The following CRAMP1 variants were observed in gnomAD, a reference collection of about 807,000 sequenced individuals.
CRAMP1 encodes protein cramped-like.
A neutral mutation model predicts 115.4 loss-of-function variants in CRAMP1; 50 were observed. That is an observed-to-expected ratio of 0.43 (90% CI 0.35 to 0.55). CRAMP1 has a LOEUF of 0.55. CRAMP1 is among the 20% of genes least tolerant of loss of function. CRAMP1 has a pLI of 0.01. For missense variants in CRAMP1, 1,679 were observed against 1,721.7 expected, an observed-to-expected ratio of 0.98 and a Z score of 0.44; for synonymous variants, 866 against 745.4, an observed-to-expected ratio of 1.16 and a Z score of -2.64.
At chr16:1,657,351 C>T (rs931783532) in intron 10 of CRAMP1, among the ~76,000 whole-genome samples, 4 of 152,230 alleles carry the variant, frequency 2.6e-5, no homozygotes, top group Admixed American at 2.6e-4. Context: ...GCAGGCAGTA[C>T]CTTGTGAGCC....
Position 1,655,313 on chromosome 16 carries a change from A to G in CRAMP1, c.1119+13A>G. ...TGAGGTGCGAGTTGTATCCTTTTCC[A>G]GCTAAAGCAAACCATCCAGGCTGCG... On this transcript the variant is annotated intron_variant, in intron 9 of 20. Coordinates refer to ENST00000397412, the MANE Select transcript of CRAMP1 (RefSeq NM_020825.4). 1.2e-6 allele frequency: 2 copies of G among 1,611,376 alleles called. No homozygotes were observed. Among genetic ancestry groups the G allele is most frequent in the Non-Finnish European group, 8.5e-7 (1 of 1,177,490 alleles).
intron 6 of CRAMP1, among the ~76,000 whole-genome samples, chr16:1,641,456 C>T (rs1285411821): frequency 6.6e-6 from 1 of 152,218 alleles, no homozygotes; most frequent in Non-Finnish European, 1.5e-5. Flanking sequence ...GGTCTCGACG[C>T]AGCACTCAGG....
At chr16:1,645,084 T>C (rs1214020490) in intron 6 of CRAMP1, among the ~76,000 whole-genome samples, 1 of 152,178 alleles carries the variant, frequency 6.6e-6, no homozygotes, top group Admixed American at 6.6e-5. Context: ...TAAAACATTT[T>C]AGTTTTTAGA....
chr16:1,652,618 G>A (rs1341832048), intron 7 of CRAMP1, 37 bp downstream of exon 7: 20 of 1,526,462 alleles, frequency 1.3e-5, no homozygotes, highest in Non-Finnish European at 1.6e-5. Flanking sequence ...CAGAGGCGGT[G>A]CCCATGGTGT....
rs2036413715 is a variant in CRAMP1 at position 1,615,781 on chromosome 16, G to A, written c.346+796G>A. ...TTTCCTTACGCAGGTGAATGACTCT[G>A]ATTCTTTTTGTTTCCGACCATGTTC... On this transcript the variant is annotated intron_variant, in intron 2 of 20. Transcript: ENST00000397412. 2.0e-5 allele frequency among the ~76,000 whole-genome samples: 3 copies of A among 152,142 alleles called. No homozygotes were observed. The South Asian group carries it at 6.2e-4, about 32-fold the overall frequency.
intron 5 of CRAMP1, among the ~76,000 whole-genome samples, chr16:1,639,218 G>C (rs1472460356): frequency 1.3e-5 from 2 of 152,016 alleles, no homozygotes; most frequent in East Asian, 1.9e-4. Context: ...AGAGGTGGAG[G>C]GTGTCCAGGT....
chr16:1,626,472 C>G (rs747445754), intron 3 of CRAMP1, among the ~76,000 whole-genome samples: 1 of 151,984 alleles, frequency 6.6e-6, no homozygotes, highest in Non-Finnish European at 1.5e-5. Context: ...GACTGAAGGC[C>G]CTCTTGTTTC....
chr16:1,615,065 C>A, intron 2 of CRAMP1, 80 bp downstream of exon 2: 1 of 879,240 alleles, frequency 1.1e-6, no homozygotes, highest in Admixed American at 4.3e-5. Flanking sequence ...TCGCCCCAGC[C>A]GGGCTCCACC....
chr16:1,662,672 G>GT lies in CRAMP1; in HGVS notation c.2595+2dup. 6.2e-7 allele frequency: 1 copy of GT among 1,614,050 alleles called. No homozygotes were observed. Among genetic ancestry groups the GT allele is most frequent in the Non-Finnish European group, 8.5e-7 (1 of 1,179,904 alleles). On this transcript the variant is annotated splice_donor_variant, in intron 12 of 20. Transcript: ENST00000397412. LOFTEE classifies it high-confidence loss of function. ...CCGCCAGCATCTGAACTCCATCAGT[G>GT]TGAGTGTGTGGGGCCGGGCCGCCCG...
chr16:1,670,419 T>C (rs566754413), intron 19 of CRAMP1: 1 of 389,134 alleles, frequency 2.6e-6, no homozygotes, highest in East Asian at 4.5e-5. Context: ...GGGATGGCAG[T>C]GAGGGTGGGA....
At chr16:1,648,131 A>T (rs1807684748) in intron 6 of CRAMP1, among the ~76,000 whole-genome samples, 1 of 152,184 alleles carries the variant, frequency 6.6e-6, no homozygotes, top group East Asian at 1.9e-4. Context: ...AAAAAAAAAA[A>T]GGAAGTCACA....
intron 3 of CRAMP1, among the ~76,000 whole-genome samples, chr16:1,626,745 T>G (rs1419986414): frequency 6.6e-6 from 1 of 152,270 alleles, no homozygotes; most frequent in Non-Finnish European, 1.5e-5. Flanking sequence ...GTGAGCATAC[T>G]TTTTAATTAA....
At chr16:1,620,762 C>T in intron 2 of CRAMP1, 1 of 449,582 alleles carries the variant, frequency 2.2e-6, no homozygotes, top group South Asian at 1.6e-5. Context: ...CCCACCACGA[C>T]CCTGATCCTC....
chr16:1,641,536 C>T (rs1021204245), intron 6 of CRAMP1, among the ~76,000 whole-genome samples: 11 of 152,172 alleles, frequency 7.2e-5, no homozygotes, highest in African/African-American at 2.7e-4. Flanking sequence ...GCTTCTAGGG[C>T]CTCTCCTTTC....
chr16:1,629,010 C>T (rs1254870447), intron 3 of CRAMP1, among the ~76,000 whole-genome samples: 1 of 152,244 alleles, frequency 6.6e-6, no homozygotes, highest in Non-Finnish European at 1.5e-5. Context: ...TGTGGCAGGG[C>T]ACTCGCCTCC....
chr16:1,668,525 G>T (rs1435258568), intron 18 of CRAMP1, among the ~76,000 whole-genome samples: 2 of 152,328 alleles, frequency 1.3e-5, no homozygotes, highest in East Asian at 3.9e-4. Context: ...TGCACAGCTT[G>T]TGAAGCAGTT....
chr16:1,637,532 C>T (rs568598670), intron 4 of CRAMP1, among the ~76,000 whole-genome samples: 1 of 152,348 alleles, frequency 6.6e-6, no homozygotes, highest in Non-Finnish European at 1.5e-5. Context: ...GCCACCTTCA[C>T]GAGTACCAGC....
chr16:1,616,973 C>G (rs1266994276), intron 2 of CRAMP1, among the ~76,000 whole-genome samples: 1 of 151,486 alleles, frequency 6.6e-6, no homozygotes, highest in African/African-American at 2.4e-5. Flanking sequence ...TGCCACCACA[C>G]CCAGCTAATT....
At chr16:1,648,255 A>G (rs2036693245) in intron 6 of CRAMP1, among the ~76,000 whole-genome samples, 1 of 152,232 alleles carries the variant, frequency 6.6e-6, no homozygotes, top group Middle Eastern at 3.2e-3. Flanking sequence ...GATGGAATAA[A>G]AAATGGTGAG....
Sources: allele counts gnomAD v4.1 joint callset (sites outside exome capture counted in the v4.1 genomes callset), GRCh38; gene constraint gnomAD v4.1.1; transcripts MANE v1.5; gene names NCBI Gene and HGNC (gene_info 2026-07-23, HGNC 2026-07-21).